ULK4: variants seen among roughly 807,000 people sequenced by gnomAD.
The protein encoded by ULK4 is unc-51 like kinase 4, also known as inactive serine/threonine-protein kinase ULK4.
A neutral mutation model predicts 160.6 loss-of-function variants in ULK4; 133 were observed. That is an observed-to-expected ratio of 0.83 (90% CI 0.72 to 0.96). The LOEUF (loss-of-function observed/expected upper bound fraction) is 0.96, where lower values mean the gene tolerates loss of function less well. Among genes scored for constraint, ULK4 ranks in the 40% least tolerant of loss-of-function variants. ULK4 has a pLI of 0.00. For synonymous variants in ULK4, 534 were observed against 539.8 expected, an observed-to-expected ratio of 0.99 and a Z score of 0.15; for missense variants, 1,580 against 1,499.5, an observed-to-expected ratio of 1.05 and a Z score of -0.89.
chr3:41,379,888 T>C (rs919036128), intron 35 of ULK4, among the ~76,000 whole-genome samples: 1 of 152,166 alleles, frequency 6.6e-6, no homozygotes, highest in Non-Finnish European at 1.5e-5. Context: ...AGAGGATACA[T>C]ATTACATAAA....
At chr3:41,615,638 T>C in intron 31 of ULK4, 31 bp downstream of exon 31, 1 of 1,606,664 alleles carries the variant, frequency 6.2e-7, no homozygotes, top group Non-Finnish European at 8.5e-7. Context: ...AAAATTTCAT[T>C]TGAATTTCAA....
intron 34 of ULK4, among the ~76,000 whole-genome samples, chr3:41,436,084 G>A (rs2125851585): frequency 6.6e-6 from 1 of 152,226 alleles, no homozygotes; most frequent in African/African-American, 2.4e-5. Context: ...AGTACTTTGG[G>A]TACCCATACA....
chr3:41,560,804 C>T (rs373856553), intron 32 of ULK4, among the ~76,000 whole-genome samples: 26 of 152,208 alleles, frequency 1.7e-4, no homozygotes, highest in African/African-American at 3.6e-4. Flanking sequence ...TCATGTCATC[C>T]GCAAACAGGG....
At chr3:41,893,861 T>C (rs1157433185) in intron 16 of ULK4, among the ~76,000 whole-genome samples, 1 of 152,104 alleles carries the variant, frequency 6.6e-6, no homozygotes, top group African/African-American at 2.4e-5. Context: ...TCAATAATAA[T>C]TATCTCCCAG....
chr3:41,613,146 A>T (rs981252210), intron 31 of ULK4, among the ~76,000 whole-genome samples: 9 of 152,194 alleles, frequency 5.9e-5, no homozygotes, highest in Non-Finnish European at 1.2e-4. Flanking sequence ...TATGCTAGAC[A>T]CCACCAAGGC....
At chr3:41,501,498 A>G (rs537598118) in intron 32 of ULK4, among the ~76,000 whole-genome samples, 2 of 152,302 alleles carry the variant, frequency 1.3e-5, no homozygotes, top group African/African-American at 4.8e-5. Context: ...ACTCCGTCTC[A>G]AAACAAACAA....
At chr3:41,435,502 T>C (rs1462596343) in intron 34 of ULK4, among the ~76,000 whole-genome samples, 4 of 152,214 alleles carry the variant, frequency 2.6e-5, no homozygotes, top group East Asian at 3.8e-4. Flanking sequence ...CCAGATAATA[T>C]AGGTGTGGCC....
At chr3:41,255,432 G>A (rs1049222876) in intron 35 of ULK4, among the ~76,000 whole-genome samples, 1 of 152,172 alleles carries the variant, frequency 6.6e-6, no homozygotes, top group African/African-American at 2.4e-5. Context: ...GCAGTGAGCT[G>A]AGATCGTGCC....
intron 35 of ULK4, among the ~76,000 whole-genome samples, chr3:41,367,829 C>G (rs1312483006): frequency 7.2e-5 from 11 of 152,038 alleles, no homozygotes; most frequent in Non-Finnish European, 8.8e-5. Context: ...GATTTACAAT[C>G]CTAATTCATT....
intron 34 of ULK4, among the ~76,000 whole-genome samples, chr3:41,455,229 T>A (rs963969611): frequency 6.6e-6 from 1 of 152,172 alleles, no homozygotes; most frequent in African/African-American, 2.4e-5. Context: ...TTAGAATTCA[T>A]TTGTTGAATT....
chr3:41,326,267 G>A (rs1263366820), intron 35 of ULK4, among the ~76,000 whole-genome samples: 1 of 152,096 alleles, frequency 6.6e-6, no homozygotes, highest in East Asian at 1.9e-4. Context: ...CTTCAAATTC[G>A]ATTCTTAAAT....
intron 35 of ULK4, among the ~76,000 whole-genome samples, chr3:41,256,594 A>T (rs573187971): frequency 1.3e-5 from 2 of 152,356 alleles, no homozygotes; most frequent in East Asian, 1.9e-4. Context: ...TTTTAAATGG[A>T]TGATGGATCT....
At chr3:41,859,246 G>T (rs770662721) in intron 17 of ULK4, 2 of 545,140 alleles carry the variant, frequency 3.7e-6, no homozygotes, top group Non-Finnish European at 7.1e-6. Context: ...GACCAAAATG[G>T]GCAAGTCAAG....
intron 32 of ULK4, among the ~76,000 whole-genome samples, chr3:41,560,058 G>A (rs1239068649): frequency 2.6e-5 from 4 of 152,128 alleles, no homozygotes; most frequent in Non-Finnish European, 1.5e-5. Context: ...GCTGTAAAGA[G>A]GGATCCAGTT....
chr3:41,767,795 T>C (rs1367123325), intron 21 of ULK4, among the ~76,000 whole-genome samples: 1 of 152,128 alleles, frequency 6.6e-6, no homozygotes, highest in Non-Finnish European at 1.5e-5. Flanking sequence ...GATTTTTTTC[T>C]CAAAAGCCTT....
At chr3:41,894,457 C>T (rs1219838215) in intron 16 of ULK4, among the ~76,000 whole-genome samples, 1 of 152,106 alleles carries the variant, frequency 6.6e-6, no homozygotes, top group East Asian at 1.9e-4. Context: ...TATTATCATA[C>T]CAGTGCCACA....
chr3:41,710,068 C>T (rs1004811270), intron 25 of ULK4, among the ~76,000 whole-genome samples: 4 of 152,026 alleles, frequency 2.6e-5, no homozygotes, highest in Non-Finnish European at 5.9e-5. Context: ...TCTTCCCTTG[C>T]GACTTTTTAA....
intron 31 of ULK4, among the ~76,000 whole-genome samples, chr3:41,574,735 A>T (rs767876378): frequency 6.6e-6 from 1 of 151,826 alleles, no homozygotes; most frequent in African/African-American, 2.4e-5. Flanking sequence ...TCTAGTAGAG[A>T]TGGGGTTTCA....
chr3:41,836,896 A>G (rs1186319291), intron 17 of ULK4, among the ~76,000 whole-genome samples: 1 of 152,246 alleles, frequency 6.6e-6, no homozygotes, highest in East Asian at 1.9e-4. Flanking sequence ...GACCATGATT[A>G]GGACAGAACA....
Sources: allele counts gnomAD v4.1 joint callset (sites outside exome capture counted in the v4.1 genomes callset), GRCh38; gene constraint gnomAD v4.1.1; transcripts MANE v1.5; gene names NCBI Gene and HGNC (gene_info 2026-07-23, HGNC 2026-07-21).